Variants in NXPH1 observed in about 807,000 individuals in gnomAD.
The protein encoded by NXPH1 is neurexophilin 1.
A neutral mutation model predicts 23.7 loss-of-function variants in NXPH1; 5 were observed. The ratio of observed to expected loss-of-function variants is 0.21; its 90% confidence interval spans 0.11 to 0.44. NXPH1 has a LOEUF of 0.44. Among genes scored for constraint, NXPH1 ranks in the 20% least tolerant of loss-of-function variants. NXPH1 has a pLI of 0.99. For missense variants in NXPH1, 324 were observed against 321.6 expected (o/e 1.01, Z -0.06); for synonymous variants, 144 against 122.2 (o/e 1.18, Z -1.18).
chr7:8,513,335 C>T (rs1382262033), intron 2 of NXPH1, among the ~76,000 whole-genome samples: 1 of 152,108 alleles, frequency 6.6e-6, no homozygotes, highest in Non-Finnish European at 1.5e-5. Flanking sequence ...ATTCTGAATT[C>T]CCCACATCTT....
At chr7:8,674,058 T>G (rs1220032391) in intron 2 of NXPH1, among the ~76,000 whole-genome samples, 1 of 151,948 alleles carries the variant, frequency 6.6e-6, no homozygotes, top group Non-Finnish European at 1.5e-5. Flanking sequence ...ATTGGAGTTG[T>G]GCCTAAGTAA....
chr7:8,570,991 A>T (rs958837786), intron 2 of NXPH1, among the ~76,000 whole-genome samples: 3 of 151,360 alleles, frequency 2.0e-5, no homozygotes, highest in Middle Eastern at 3.4e-3. Flanking sequence ...CAGAATCAGT[A>T]TATATATGTC....
intron 2 of NXPH1, among the ~76,000 whole-genome samples, chr7:8,460,083 T>C (rs1303214577): frequency 6.6e-6 from 1 of 152,194 alleles, no homozygotes; most frequent in African/African-American, 2.4e-5. Context: ...AGCTTATTTT[T>C]ATACAAAAGA....
At chr7:8,650,756 TGG>T (rs1820477705) in intron 2 of NXPH1, among the ~76,000 whole-genome samples, 1 of 152,168 alleles carries the variant, frequency 6.6e-6, no homozygotes, top group Non-Finnish European at 1.5e-5. Context: ...TATCAATGAC[TGG>T]AAAAAGTGAA....
chr7:8,549,898 C>T (rs1022176697), intron 2 of NXPH1, among the ~76,000 whole-genome samples: 10 of 151,472 alleles, frequency 6.6e-5, no homozygotes, highest in Non-Finnish European at 1.3e-4. Flanking sequence ...ACCATTGTTT[C>T]TCAAATTCCC....
chr7:8,614,724 A>G (rs1420735689), intron 2 of NXPH1, among the ~76,000 whole-genome samples: 1 of 152,032 alleles, frequency 6.6e-6, no homozygotes, highest in Admixed American at 6.6e-5. Context: ...AATATTTTAG[A>G]AACTCTATGT....
At chr7:8,674,483 A>G (rs1820918259) in intron 2 of NXPH1, among the ~76,000 whole-genome samples, 4 of 152,288 alleles carry the variant, frequency 2.6e-5, no homozygotes, top group South Asian at 4.1e-4. Context: ...ATTCTTTGCA[A>G]TTAAACTCTA....
At chr7:8,520,121 ACTC>A (rs1376053615) in intron 2 of NXPH1, among the ~76,000 whole-genome samples, 2 of 152,086 alleles carry the variant, frequency 1.3e-5, no homozygotes, top group Non-Finnish European at 2.9e-5. Flanking sequence ...ATTGAAAAAA[ACTC>A]CTTGATCATG....
At chr7:8,494,689 G>C (rs1817307593) in intron 2 of NXPH1, among the ~76,000 whole-genome samples, 1 of 151,982 alleles carries the variant, frequency 6.6e-6, no homozygotes, top group African/African-American at 2.4e-5. Flanking sequence ...ACAACCAATT[G>C]GTTCTATCGA....
intron 2 of NXPH1, among the ~76,000 whole-genome samples, chr7:8,689,958 T>A (rs1460036219): frequency 6.6e-6 from 1 of 152,208 alleles, no homozygotes; most frequent in Non-Finnish European, 1.5e-5. Context: ...CCAGGCAAAT[T>A]AGGCTTACTG....
At chr7:8,566,328 A>G (rs918417338) in intron 2 of NXPH1, among the ~76,000 whole-genome samples, 1 of 151,868 alleles carries the variant, frequency 6.6e-6, no homozygotes, top group South Asian at 2.1e-4. Context: ...CTTTGGTTGC[A>G]TGGACAGAGA....
At chr7:8,742,937 T>C (rs1230163669) in intron 2 of NXPH1, among the ~76,000 whole-genome samples, 4 of 152,136 alleles carry the variant, frequency 2.6e-5, no homozygotes, top group Admixed American at 2.0e-4. Flanking sequence ...ACTTTGCTAT[T>C]GACCTCAAAG....
At chr7:8,743,254 T>A (rs542256692) in intron 2 of NXPH1, among the ~76,000 whole-genome samples, 4 of 152,284 alleles carry the variant, frequency 2.6e-5, no homozygotes, top group South Asian at 4.1e-4. Context: ...AAAGCAATCT[T>A]GAGATTATTT....
chr7:8,548,488 C>A (rs1240965940), intron 2 of NXPH1, among the ~76,000 whole-genome samples: 1 of 151,480 alleles, frequency 6.6e-6, no homozygotes, highest in Admixed American at 6.6e-5. Flanking sequence ...TCTTAATAAG[C>A]CTATAAAGTA....
At chr7:8,671,830 T>G (rs956923911) in intron 2 of NXPH1, among the ~76,000 whole-genome samples, 2 of 152,226 alleles carry the variant, frequency 1.3e-5, no homozygotes, top group Non-Finnish European at 2.9e-5. Context: ...CAGCTTGATT[T>G]GAATTTCTCT....
intron 2 of NXPH1, among the ~76,000 whole-genome samples, chr7:8,580,931 A>T (rs1183190792): frequency 6.6e-6 from 1 of 152,156 alleles, no homozygotes; most frequent in Non-Finnish European, 1.5e-5. Flanking sequence ...TTGGATTTTT[A>T]AAAACATAAC....
In NXPH1 at chr7:8,613,328, T is replaced by C. The variant is rs545712459; in HGVS notation, c.55-137680T>C. ...TATAGTCTATTGTCCAGGGCTTTCG[T>C]GGTGCATTTCAACAAAGAGAATCTC... On this transcript the variant is annotated intron_variant, in intron 2 of 2. Transcript: ENST00000405863. Among the ~76,000 whole-genome samples the C allele has an allele frequency of 1.6e-4, 24 of 152,130 alleles. No individual in the cohort carries two copies. In the South Asian group the frequency reaches 4.8e-3, roughly 30 times the overall value.
rs1266950511 is a variant in NXPH1, at chr7:8,651,323, A to C, written c.55-99685A>C. On this transcript the variant is annotated intron_variant, in intron 2 of 2. Coordinates refer to ENST00000405863, the MANE Select transcript of NXPH1 (RefSeq NM_152745.3). ...AACTCATCATTTTTTACGGCTGCAT[A>C]GTATTCCATGGTGTATATGTGCCAT... Among the ~76,000 whole-genome samples, 7 of 71,818 alleles carry C rather than the reference A, an allele frequency of 9.7e-5. 2 individuals are homozygous for C. Among genetic ancestry groups the C allele is most frequent in the Non-Finnish European group, 2.2e-4 (7 of 32,062 alleles). The allele number at this position is 71,818 out of a possible 152,430, so 47.1% of individuals were successfully genotyped here. A position where few individuals can be genotyped will look rare whatever the true frequency, so the allele number is the denominator to read the frequency against.
chr7:8,559,184 C>G (rs938887155), intron 2 of NXPH1, among the ~76,000 whole-genome samples: 3 of 151,680 alleles, frequency 2.0e-5, no homozygotes, highest in Non-Finnish European at 3.0e-5. Context: ...TCTTGAACTT[C>G]TGGTCTCAAG....
Sources: gnomAD v4.1 joint callset for allele counts (sites outside exome capture counted in the v4.1 genomes callset) on GRCh38, gnomAD v4.1.1 for gene constraint, MANE v1.5 for transcripts, NCBI Gene and HGNC (gene_info 2026-07-23, HGNC 2026-07-21) for gene names.